The following SMURF1 variants were observed in gnomAD, a reference collection of about 807,000 sequenced individuals.
The protein encoded by SMURF1 is SMAD specific E3 ubiquitin protein ligase 1, also known as E3 ubiquitin-protein ligase SMURF1.
In SMURF1, 44 loss-of-function variants were observed where a neutral mutation model predicts 98.0. The ratio of observed to expected loss-of-function variants is 0.45; its 90% confidence interval spans 0.35 to 0.58. The LOEUF (loss-of-function observed/expected upper bound fraction) is 0.58. Among genes scored for constraint, SMURF1 ranks in the 20% least tolerant of loss-of-function variants. SMURF1 has a pLI of 0.00. For synonymous variants in SMURF1, 396 were observed against 374.9 expected, an observed-to-expected ratio of 1.06 and a Z score of -0.65; for missense variants, 687 against 938.4, an observed-to-expected ratio of 0.73 and a Z score of 3.50.
intron 1 of SMURF1, among the ~76,000 whole-genome samples, chr7:99,104,299 A>G (rs1432289007): frequency 6.6e-6 from 1 of 152,218 alleles, no homozygotes; most frequent in South Asian, 2.1e-4. Context: ...TAGAAATCAG[A>G]AGAAATAAAT....
Position 99,042,117 on chromosome 7 carries a change from C to T in SMURF1, c.1371+1G>A, listed in dbSNP as rs1363732287. ...CTACCTCTTTGTTCATTCATACTTA[C>T]GGGGTTGATTGAAGAATCCGGATTT... On this transcript the variant is annotated splice_donor_variant, in intron 12 of 17. Transcript: ENST00000361368. LOFTEE classifies it high-confidence loss of function. 1.9e-6 allele frequency: 3 copies of T among 1,606,590 alleles called. No individual in the cohort carries two copies. The highest frequency in any genetic ancestry group is 2.2e-5 in the East Asian group (1 of 44,858).
intron 1 of SMURF1, among the ~76,000 whole-genome samples, chr7:99,097,623 C>T (rs1796984700): frequency 6.6e-6 from 1 of 152,122 alleles, no homozygotes; most frequent in Admixed American, 6.5e-5. Flanking sequence ...TACCCAGCCT[C>T]GAGAACTGTA....
At chr7:99,139,669 C>T (rs1238540574) in intron 1 of SMURF1, among the ~76,000 whole-genome samples, 1 of 152,168 alleles carries the variant, frequency 6.6e-6, no homozygotes, top group Non-Finnish European at 1.5e-5. Context: ...CCAATGACTA[C>T]AAGATAATGC....
At chr7:99,124,523 G>T (rs750951300) in intron 1 of SMURF1, among the ~76,000 whole-genome samples, 10 of 152,108 alleles carry the variant, frequency 6.6e-5, no homozygotes, top group Non-Finnish European at 1.5e-4. Flanking sequence ...CGGGACAGGC[G>T]CTTCTACAGA....
chr7:99,141,393 T>G lies in SMURF1; in HGVS notation c.55+2333A>C, dbSNP rs117439848. The stretch of plus-strand genomic sequence containing the variant: ...TTGCTTTCGCTTTTAACAAGATAAC[T>G]GAAACCAATCTGATGTCAATTACAG... On this transcript the variant is annotated intron_variant, in intron 1 of 17. Transcript: ENST00000361368. Among the ~76,000 whole-genome samples the G allele has an allele frequency of 6.1e-3, 936 of 152,340 alleles. 10 individuals carry two copies. The highest frequency in any genetic ancestry group is 7.7e-3 in the Non-Finnish European group (524 of 68,034).
chr7:99,049,731 A>C (rs1414170556), intron 8 of SMURF1, 22 bp from the exon 9 acceptor site: 26 of 1,609,390 alleles, frequency 1.6e-5, no homozygotes, highest in Non-Finnish European at 2.0e-5. Flanking sequence ...GAAGATACAG[A>C]GAGGTTTGTC....
chr7:99,086,072 G>T (rs973437588), intron 1 of SMURF1, among the ~76,000 whole-genome samples: 3 of 152,110 alleles, frequency 2.0e-5, no homozygotes, highest in Non-Finnish European at 2.9e-5. Context: ...ACGGCCAGGC[G>T]TGGTGGTTCA....
chr7:99,116,938 T>C (rs1797469389), intron 1 of SMURF1, among the ~76,000 whole-genome samples: 1 of 152,180 alleles, frequency 6.6e-6, no homozygotes. Flanking sequence ...CTTCCTATTT[T>C]AAAACTTACT....
chr7:99,083,168 C>T (rs1397534735), intron 1 of SMURF1, among the ~76,000 whole-genome samples: 2 of 152,058 alleles, frequency 1.3e-5, no homozygotes, highest in Non-Finnish European at 2.9e-5. Flanking sequence ...TCTGACTACA[C>T]TAAAAACCAC....
intron 1 of SMURF1, among the ~76,000 whole-genome samples, chr7:99,125,938 G>A (rs971915274): frequency 5.9e-5 from 9 of 152,164 alleles, no homozygotes; most frequent in African/African-American, 2.2e-4. Flanking sequence ...CGTCTGACCT[G>A]CAAAGCAGCC....
chr7:99,079,510 A>G (rs1251968562), intron 1 of SMURF1, among the ~76,000 whole-genome samples: 2 of 152,338 alleles, frequency 1.3e-5, no homozygotes, highest in East Asian at 1.9e-4. Context: ...AAACTCAATA[A>G]AAGTGTTTCC....
intron 1 of SMURF1, among the ~76,000 whole-genome samples, chr7:99,078,879 A>C (rs552243210): frequency 1.3e-5 from 2 of 152,308 alleles, no homozygotes; most frequent in East Asian, 3.9e-4. Flanking sequence ...AATAGAAATA[A>C]AGTGCACTAT....
chr7:99,143,375 C>A (rs1404605542), intron 1 of SMURF1, among the ~76,000 whole-genome samples: 1 of 65,980 alleles, frequency 1.5e-5, no homozygotes, highest in Non-Finnish European at 2.9e-5. Flanking sequence ...ATGCAAGGGG[C>A]GGGGCCAGGA....
chr7:99,063,118 GTTC>G (rs201791755), intron 1 of SMURF1, among the ~76,000 whole-genome samples: 1,778 of 149,142 alleles, frequency 0.012, 38 homozygotes, highest in African/African-American at 0.042. Context: ...AATAGATATT[GTTC>G]TGCCAAGTTT....
chr7:99,110,886 C>T lies in SMURF1; in HGVS notation c.55+32840G>A, dbSNP rs1415542755. 2.0e-5 allele frequency among the ~76,000 whole-genome samples: 3 copies of T among 152,156 alleles called. No homozygotes were observed. In the East Asian group the frequency reaches 5.8e-4, roughly 29 times the overall value. On this transcript the variant is annotated intron_variant, in intron 1 of 17. Coordinates refer to ENST00000361368, the MANE Select transcript of SMURF1 (RefSeq NM_181349.3). ...ACACAGCCATGAAAAAGGATGAGAG[C>T]GGTCCCCAGGAAAATAGTACATGAC...
chr7:99,120,505 T>G (rs1370367477), intron 1 of SMURF1: 1 of 151,422 alleles, frequency 6.6e-6, no homozygotes, highest in Non-Finnish European at 1.5e-5. Flanking sequence ...TCCTCTCTCC[T>G]GAGTTTTAAA....
chr7:99,115,162 G>A (rs984363980), intron 1 of SMURF1, among the ~76,000 whole-genome samples: 1 of 151,914 alleles, frequency 6.6e-6, no homozygotes, highest in Non-Finnish European at 1.5e-5. Flanking sequence ...GTGAAATAGA[G>A]AATAAAGCAG....
At chr7:99,135,724 T>C (rs765516983) in intron 1 of SMURF1, among the ~76,000 whole-genome samples, 2 of 152,234 alleles carry the variant, frequency 1.3e-5, no homozygotes, top group Non-Finnish European at 2.9e-5. Flanking sequence ...GGACTTTACA[T>C]AAATGTGTGA....
At chr7:99,129,285 C>T (rs1034621515) in intron 1 of SMURF1, among the ~76,000 whole-genome samples, 2 of 152,202 alleles carry the variant, frequency 1.3e-5, no homozygotes, top group African/African-American at 4.8e-5. Context: ...GACCATGTTA[C>T]TATTAGCTAA....
Sources: allele counts gnomAD v4.1 joint callset (sites outside exome capture counted in the v4.1 genomes callset), GRCh38; gene constraint gnomAD v4.1.1; transcripts MANE v1.5; gene names NCBI Gene and HGNC (gene_info 2026-07-23, HGNC 2026-07-21).